Variants in FRAS1 observed in about 807,000 individuals in gnomAD.
The protein encoded by FRAS1 is extracellular matrix organizing protein FRAS1.
Under a neutral mutation model 435.2 loss-of-function variants are expected in FRAS1, and 290 were observed. That is an observed-to-expected ratio of 0.67 (90% CI 0.61 to 0.73). The LOEUF is 0.73. Among genes scored for constraint, FRAS1 ranks in the 30% least tolerant of loss-of-function variants. FRAS1 has a pLI of 0.00. For missense variants in FRAS1, 4,860 were observed against 5,001.5 expected (o/e 0.97, Z 0.85); for synonymous variants, 1,800 against 1,851.0 (o/e 0.97, Z 0.71).
chr4:78,522,549 A>T (rs559684720), intron 68 of FRAS1, 100 bp from the exon 69 acceptor site: 11 of 1,026,632 alleles, frequency 1.1e-5, no homozygotes, highest in Middle Eastern at 5.2e-4. Flanking sequence ...AGAGAAGAAC[A>T]TTAATTCAGT....
chr4:78,115,982 C>T (rs374970825), intron 2 of FRAS1, among the ~76,000 whole-genome samples: 1 of 152,124 alleles, frequency 6.6e-6, no homozygotes, highest in African/African-American at 2.4e-5. Context: ...TATAAATTTC[C>T]GTCTACACAC....
chr4:78,176,851 C>A (rs1029422492), intron 2 of FRAS1, among the ~76,000 whole-genome samples: 1 of 152,174 alleles, frequency 6.6e-6, no homozygotes, highest in South Asian at 2.1e-4. Context: ...CAAGAAAGAG[C>A]CTTCTTTAGG....
In FRAS1 at chr4:78,508,835, C is replaced by T; in HGVS notation, c.9609C>T (p.Asp3203=). Reference sequence around the variant, plus strand: ...CACTGGTCTGTGTCACCCCCTGCGACCCTCATTTCCCCAGATACGCTGTCA... The same window carrying T: ...CACTGGTCTGTGTCACCCCCTGCGATCCTCATTTCCCCAGATACGCTGTCA... The part of the protein sequence containing the change: ...GYPLVCVTPC[D]PHFPRYAVMK... The change falls in exon 63 of 74, where the codon GAC becomes GAT. Residue 3203 remains aspartate (D), a synonymous_variant. Transcript: ENST00000512123. The T allele has an allele frequency of 6.2e-7, 1 of 1,613,840 alleles. No individual in the cohort carries two copies. Among genetic ancestry groups the T allele is most frequent in the East Asian group, 2.2e-5 (1 of 44,830 alleles).
At position 78,487,147 on chromosome 4, in the gene FRAS1, A is replaced by G. The variant is rs75524427; in HGVS notation, c.8753-1728A>G. 3.7e-3 allele frequency among the ~76,000 whole-genome samples: 563 copies of G among 152,202 alleles called. 22 individuals carry two copies. In the East Asian group the frequency reaches 0.093, roughly 25 times the overall value. On this transcript the variant is annotated intron_variant, in intron 58 of 73. Coordinates refer to ENST00000512123, the MANE Select transcript of FRAS1 (RefSeq NM_025074.7). ...GCGATGTCATTGCCATCCACCTTTT[A>G]GCAGCACAGGCCATTTCACTGGGTT...
intron 2 of FRAS1, among the ~76,000 whole-genome samples, chr4:78,211,469 T>C (rs1425688859): frequency 6.6e-6 from 1 of 152,218 alleles, no homozygotes; most frequent in Non-Finnish European, 1.5e-5. Context: ...ACTTATGTGC[T>C]CATTGGGCTA....
At chr4:78,185,777 A>G (rs1336697409) in intron 2 of FRAS1, among the ~76,000 whole-genome samples, 3 of 152,192 alleles carry the variant, frequency 2.0e-5, no homozygotes, top group Non-Finnish European at 4.4e-5. Context: ...GAAAATCATC[A>G]ACCTTGGCTT....
chr4:78,197,222 C>T (rs1005363161), intron 2 of FRAS1, among the ~76,000 whole-genome samples: 3 of 152,174 alleles, frequency 2.0e-5, no homozygotes, highest in Non-Finnish European at 4.4e-5. Context: ...AGTCACACTG[C>T]TGGGGTTGAA....
chr4:78,523,245 A>G (rs1721442167), intron 69 of FRAS1, among the ~76,000 whole-genome samples: 1 of 152,214 alleles, frequency 6.6e-6, no homozygotes, highest in African/African-American at 2.4e-5. Context: ...CCTACAACCT[A>G]TGGTGGGGAA....
chr4:78,140,937 G>A (rs530121427), intron 2 of FRAS1, among the ~76,000 whole-genome samples: 11 of 152,264 alleles, frequency 7.2e-5, no homozygotes, highest in Admixed American at 1.3e-4. Flanking sequence ...ATGGCTTTTA[G>A]AAGAGTCACA....
intron 6 of FRAS1, 35 bp from the exon 7 acceptor site, chr4:78,264,989 AC>A (rs1346974883): frequency 2.2e-5 from 29 of 1,291,478 alleles, no homozygotes; most frequent in Middle Eastern, 1.8e-4. Flanking sequence ...TATTAATATC[AC>A]TTTGTGATGG....
chr4:78,159,521 T>A (rs1721045621), intron 2 of FRAS1, among the ~76,000 whole-genome samples: 1 of 152,204 alleles, frequency 6.6e-6, no homozygotes, highest in Non-Finnish European at 1.5e-5. Context: ...CTTGACCATG[T>A]GAGTCATGAC....
rs116512002 is a variant in FRAS1 at position 78,470,525 on chromosome 4, C to T, written c.7371+434C>T. On this transcript the variant is annotated intron_variant, in intron 51 of 73. Transcript: ENST00000512123. ...ATATACAGTTGGCCCTCAGTATCCA[C>T]AGGTTCCACATCTGTGGATTCTAAC... Among the ~76,000 whole-genome samples the T allele has an allele frequency of 9.7e-3, 1,478 of 152,156 alleles. 16 individuals are homozygous for T. The highest frequency in any genetic ancestry group is 0.034 in the African/African-American group (1,407 of 41,504).
intron 14 of FRAS1, among the ~76,000 whole-genome samples, chr4:78,304,644 T>G (rs988023329): frequency 2.0e-5 from 3 of 152,100 alleles, no homozygotes; most frequent in African/African-American, 7.2e-5. Flanking sequence ...TTTTCTAGTT[T>G]ATTTGCGTAG....
chr4:78,077,973 A>G (rs902480157), intron 2 of FRAS1, among the ~76,000 whole-genome samples: 3 of 151,888 alleles, frequency 2.0e-5, no homozygotes, highest in African/African-American at 7.2e-5. Context: ...AAGTAATTCC[A>G]CAAACAAAAA....
At chr4:78,116,141 T>A (rs1238078918) in intron 2 of FRAS1, among the ~76,000 whole-genome samples, 1 of 152,228 alleles carries the variant, frequency 6.6e-6, no homozygotes, top group African/African-American at 2.4e-5. Context: ...TGAGCAGTTT[T>A]GAGTGAGTGT....
intron 66 of FRAS1, among the ~76,000 whole-genome samples, chr4:78,517,158 A>G (rs557810047): frequency 1.2e-4 from 18 of 152,210 alleles, no homozygotes; most frequent in Non-Finnish European, 2.6e-4. Context: ...ATTTACAGTA[A>G]TTATTTAGAG....
In FRAS1 at chr4:78,237,490, G is replaced by C; in HGVS notation, c.109-20G>C. 5 of 1,576,124 alleles carry C rather than the reference G, an allele frequency of 3.2e-6. No individual in the cohort carries two copies. The highest frequency in any genetic ancestry group is 3.5e-6 in the Non-Finnish European group (4 of 1,146,120). ...CCTTGACTGATCAGTTTTTAAATCA[G>C]AGCTTATGCCTCTTTACAGGATGCC... is the stretch of plus-strand genomic sequence containing the variant. On this transcript the variant is annotated intron_variant, in intron 2 of 73. Transcript: ENST00000512123.
At chr4:78,066,912 A>G (rs1287270783) in intron 2 of FRAS1, among the ~76,000 whole-genome samples, 2 of 152,184 alleles carry the variant, frequency 1.3e-5, no homozygotes, top group Admixed American at 1.3e-4. Flanking sequence ...TCTGCACTTT[A>G]TATACTGTAG....
chr4:78,207,803 T>G (rs955431826), intron 2 of FRAS1, among the ~76,000 whole-genome samples: 9 of 152,282 alleles, frequency 5.9e-5, no homozygotes, highest in Admixed American at 2.6e-4. Flanking sequence ...AGTAAATACA[T>G]GAGGCAAAAT....
Sources: gnomAD v4.1 joint callset for allele counts (sites outside exome capture counted in the v4.1 genomes callset) on GRCh38, gnomAD v4.1.1 for gene constraint, MANE v1.5 for transcripts, NCBI Gene and HGNC (gene_info 2026-07-23, HGNC 2026-07-21) for gene names.